Variants in NUDT4 observed in about 807,000 individuals in gnomAD.
NUDT4 encodes nudix hydrolase 4, also known as diphosphoinositol polyphosphate phosphohydrolase 2.
A neutral mutation model predicts 23.1 loss-of-function variants in NUDT4; 5 were observed. That is an observed-to-expected ratio of 0.22 (90% CI 0.11 to 0.46). NUDT4 has a LOEUF of 0.46. Among genes scored for constraint, NUDT4 ranks in the 20% least tolerant of loss-of-function variants. The pLI is 0.99. For missense variants in NUDT4, 96 were observed against 211.6 expected (o/e 0.45, Z 3.39); for synonymous variants, 50 against 79.0 (o/e 0.63, Z 1.95).
intron 1 of NUDT4, among the ~76,000 whole-genome samples, chr12:93,393,076 T>C (rs1315331454): frequency 3.5e-5 from 5 of 144,274 alleles, no homozygotes; most frequent in African/African-American, 1.3e-4. Context: ...TTGTAACAAT[T>C]TGTAGATTTC....
At chr12:93,391,354 C>A (rs1448813185) in intron 1 of NUDT4, among the ~76,000 whole-genome samples, 1 of 151,934 alleles carries the variant, frequency 6.6e-6, no homozygotes, top group African/African-American at 2.4e-5. Flanking sequence ...CACTTGAAGT[C>A]AGGAGTTTGA....
At chr12:93,388,518 C>A (rs752283022) in intron 1 of NUDT4, among the ~76,000 whole-genome samples, 21 of 152,174 alleles carry the variant, frequency 1.4e-4, no homozygotes, top group Non-Finnish European at 2.8e-4. Flanking sequence ...AGGTGGAGAA[C>A]TTGTGCTGAA....
intron 1 of NUDT4, among the ~76,000 whole-genome samples, chr12:93,385,670 G>A (rs1393082998): frequency 1.3e-5 from 2 of 151,984 alleles, no homozygotes; most frequent in African/African-American, 4.8e-5. Context: ...TGTTGTGTGC[G>A]TTTAGAGTGA....
chr12:93,384,444 G>A (rs1381111876), intron 1 of NUDT4, among the ~76,000 whole-genome samples: 1 of 152,148 alleles, frequency 6.6e-6, no homozygotes, highest in African/African-American at 2.4e-5. Context: ...TGGGATTACA[G>A]GCGTGAGCCA....
chr12:93,381,435 A>G (rs184035868), intron 1 of NUDT4, among the ~76,000 whole-genome samples: 364 of 152,376 alleles, frequency 2.4e-3, no homozygotes, highest in Non-Finnish European at 4.2e-3. Flanking sequence ...GTAATCAGAA[A>G]TGGATTCTGT....
At chr12:93,385,145 A>G (rs1412068338) in intron 1 of NUDT4, 2 of 152,144 alleles carry the variant, frequency 1.3e-5, no homozygotes, top group African/African-American at 4.8e-5. Context: ...AGACAAAATA[A>G]CTCTTCAGCA....
Position 93,378,206 on chromosome 12 carries a change from C to G in NUDT4, c.-117C>G. ...GCCGCACCTCCCGCACCGACTAGCG[C>G]TCCCGGGCGCTCCTGCGCCCGACTC... On this transcript the variant is annotated 5_prime_UTR_variant, in exon 1 of 5. Transcript: ENST00000415493. 5.0e-6 allele frequency: 2 copies of G among 397,024 alleles called. No homozygotes were observed. The highest frequency in any genetic ancestry group is 1.5e-4 in the South Asian group (2 of 13,380). 24.6% of individuals were successfully genotyped at this position (397,024 alleles called of 1,614,324 possible). A position where few individuals can be genotyped will look rare whatever the true frequency, so the allele number is the denominator to read the frequency against.
At position 93,399,611 on chromosome 12, in the gene NUDT4, G is replaced by A; in HGVS notation, c.*232G>A. The A allele has an allele frequency of 8.8e-6, 2 of 226,052 alleles. No individual in the cohort carries two copies. The highest frequency in any genetic ancestry group is 1.7e-5 in the Non-Finnish European group (2 of 119,712). The allele number at this position is 226,052 out of a possible 1,614,324, so 14.0% of individuals were successfully genotyped here. ...ATTTTTGTTTAGATGCCTTAACTGT[G>A]CCACACCCCACAACCCCCTATATTA... On this transcript the variant is annotated 3_prime_UTR_variant, in exon 5 of 5. Transcript: ENST00000415493.
At chr12:93,396,279 A>G (rs1358918308) in intron 3 of NUDT4, among the ~76,000 whole-genome samples, 3 of 152,216 alleles carry the variant, frequency 2.0e-5, no homozygotes, top group African/African-American at 7.2e-5. Context: ...TCTCAGGTAC[A>G]TAGAACAGAT....
chr12:93,406,247 TA>T lies in NUDT4; in HGVS notation c.*6869del, dbSNP rs2121037061. On this transcript the variant is annotated 3_prime_UTR_variant, in exon 5 of 5. Transcript: ENST00000415493. ...CATGCCACAGCACTCCAGCCTAAAC[TA>T]CAGAGCTAGAAAGTGGCTAGAGCAG... is the stretch of plus-strand genomic sequence containing the variant. The T allele has an allele frequency of 9.9e-6, 1 of 101,106 alleles. No individual in the cohort carries two copies. Among genetic ancestry groups the T allele is most frequent in the Admixed American group, 1.6e-4 (1 of 6,144 alleles). 6.3% of individuals were successfully genotyped at this position (101,106 alleles called of 1,614,324 possible).
chr12:93,402,425 T>C lies in NUDT4; in HGVS notation c.*3046T>C, dbSNP rs576358035. The C allele has an allele frequency of 6.6e-6, 1 of 152,328 alleles. No homozygotes were observed. The highest frequency in any genetic ancestry group is 6.5e-5 in the Admixed American group (1 of 15,306). 9.4% of individuals were successfully genotyped at this position (152,328 alleles called of 1,614,324 possible). A position where few individuals can be genotyped will look rare whatever the true frequency, so the allele number is the denominator to read the frequency against. On this transcript the variant is annotated 3_prime_UTR_variant, in exon 5 of 5. Transcript: ENST00000415493. ...GTATACCTTTCAGTGCATAGTGCAT[T>C]GTGTGCTTACCCTGGGTTGTTTAAA...
intron 1 of NUDT4, among the ~76,000 whole-genome samples, chr12:93,389,704 C>T (rs1876348605): frequency 6.6e-6 from 1 of 151,790 alleles, no homozygotes; most frequent in South Asian, 2.1e-4. Flanking sequence ...AGTTCAAGAC[C>T]AGCCTGGCCA....
rs1043295062 is a variant in NUDT4 at position 93,404,351 on chromosome 12, T to G, written c.*4972T>G. 6.6e-6 allele frequency: 1 copy of G among 152,212 alleles called. No homozygotes were observed. The highest frequency in any genetic ancestry group is 1.5e-5 in the Non-Finnish European group (1 of 68,044). The allele number at this position is 152,212 out of a possible 1,614,324, so 9.4% of individuals were successfully genotyped here. A position where few individuals can be genotyped will look rare whatever the true frequency, so the allele number is the denominator to read the frequency against. ...ATATCCATATGGTGTAATATTACAGTCATTAGAAATGACATTTGCGTAAGG... is the reference window on the plus strand; with the variant it reads ...ATATCCATATGGTGTAATATTACAGGCATTAGAAATGACATTTGCGTAAGG... On this transcript the variant is annotated 3_prime_UTR_variant, in exon 5 of 5. Transcript: ENST00000415493.
At chr12:93,381,304 T>G (rs912703027) in intron 1 of NUDT4, among the ~76,000 whole-genome samples, 3 of 152,226 alleles carry the variant, frequency 2.0e-5, no homozygotes, top group Admixed American at 1.3e-4. Flanking sequence ...TAGTTATTTC[T>G]GTGGGGAAGC....
chr12:93,395,624 A>T, intron 3 of NUDT4, 91 bp downstream of exon 3: 1 of 1,042,660 alleles, frequency 9.6e-7, no homozygotes, highest in South Asian at 1.3e-5. Flanking sequence ...CCTGAACCAG[A>T]CATTTCTCTC....
chr12:93,387,972 C>CA (rs1876230349), intron 1 of NUDT4, among the ~76,000 whole-genome samples: 1 of 152,176 alleles, frequency 6.6e-6, no homozygotes, highest in South Asian at 2.1e-4. Flanking sequence ...ACCACCCCCC[C>CA]AGATGTGGCC....
In NUDT4 at chr12:93,406,118, A is replaced by T. The variant is rs560436207; in HGVS notation, c.*6739A>T. ...CCCGTCTCTACTAAAAATACAAAAA[A>T]TTAGCCAGGTGTGGTGGCAGGTGTC... On this transcript the variant is annotated 3_prime_UTR_variant, in exon 5 of 5. Transcript: ENST00000415493. 1 of 151,956 alleles carries T rather than the reference A, an allele frequency of 6.6e-6. No individual in the cohort carries two copies. The highest frequency in any genetic ancestry group is 1.5e-5 in the Non-Finnish European group (1 of 68,046). The allele number at this position is 151,956 out of a possible 1,614,324, so 9.4% of individuals were successfully genotyped here.
At chr12:93,391,877 ATTTATTTTTATTT>A (rs1444058804) in intron 1 of NUDT4, among the ~76,000 whole-genome samples, 2 of 152,094 alleles carry the variant, frequency 1.3e-5, no homozygotes, top group Admixed American at 1.3e-4. Flanking sequence ...AAATTGACTT[ATTTATTTTTATTT>A]TTTATTTTTT....
intron 1 of NUDT4, among the ~76,000 whole-genome samples, chr12:93,389,674 A>C (rs1876345591): frequency 6.6e-6 from 1 of 151,774 alleles, no homozygotes; most frequent in Non-Finnish European, 1.5e-5. Flanking sequence ...AGGCCGAGGC[A>C]GGTGGATCAC....
Sources: gnomAD v4.1 joint callset for allele counts (sites outside exome capture counted in the v4.1 genomes callset) on GRCh38, gnomAD v4.1.1 for gene constraint, MANE v1.5 for transcripts, NCBI Gene and HGNC (gene_info 2026-07-23, HGNC 2026-07-21) for gene names.